The following PCDH15 variants were observed in gnomAD, a reference collection of about 807,000 sequenced individuals.
PCDH15 encodes protocadherin related 15.
In PCDH15, 129 loss-of-function variants were observed where a neutral mutation model predicts 178.5. That is an observed-to-expected ratio of 0.72 (90% CI 0.63 to 0.84). The LOEUF (loss-of-function observed/expected upper bound fraction) is 0.84, where lower values mean the gene tolerates loss of function less well. Ranked by LOEUF, PCDH15 falls within the 40% of genes least tolerant of loss-of-function variation. The pLI, the probability that PCDH15 is intolerant of heterozygous loss-of-function variation, is 0.00. For missense variants in PCDH15, 2,230 were observed against 2,099.9 expected, an observed-to-expected ratio of 1.06 and a Z score of -1.21; for synonymous variants, 800 against 732.0, an observed-to-expected ratio of 1.09 and a Z score of -1.50.
intron 26 of PCDH15, among the ~76,000 whole-genome samples, chr10:53,877,131 T>C (rs1329072969): frequency 6.6e-6 from 1 of 152,126 alleles, no homozygotes; most frequent in Non-Finnish European, 1.5e-5. Context: ...TGCATGTATG[T>C]TATAATTGAA....
At position 54,132,798 on chromosome 10, in the gene PCDH15, A is replaced by T. The variant is rs537560149; in HGVS notation, c.1917+77T>A. 5 of 1,548,478 alleles carry T rather than the reference A, an allele frequency of 3.2e-6. No individual in the cohort carries two copies. In the African/African-American group the frequency reaches 6.8e-5, roughly 21 times the overall value. On this transcript the variant is annotated intron_variant, in intron 15 of 37. Transcript: ENST00000644397. Reference sequence around the variant, plus strand: ...GTGAGGTTTCTCCCTCCATACACAAATATAAACTCATTAAATGCCAAGCTT... The same window carrying T: ...GTGAGGTTTCTCCCTCCATACACAATTATAAACTCATTAAATGCCAAGCTT...
chr10:54,497,803 T>G (rs1439659255), intron 3 of PCDH15, among the ~76,000 whole-genome samples: 1 of 152,020 alleles, frequency 6.6e-6, no homozygotes, highest in Non-Finnish European at 1.5e-5. Flanking sequence ...AATATGAGAT[T>G]ATGTAAAGAG....
intron 36 of PCDH15, among the ~76,000 whole-genome samples, chr10:53,811,118 T>C (rs920723077): frequency 4.6e-5 from 7 of 152,308 alleles, no homozygotes; most frequent in African/African-American, 1.7e-4. Flanking sequence ...TTAATTTATA[T>C]GTGTACAAGT....
chr10:55,624,214 G>A (rs992653058), intron 2 of PCDH15, among the ~76,000 whole-genome samples: 2 of 151,942 alleles, frequency 1.3e-5, no homozygotes, highest in East Asian at 1.9e-4. Context: ...TTTATTTTCC[G>A]AGAATTAAAC....
intron 3 of PCDH15, among the ~76,000 whole-genome samples, chr10:54,812,819 G>A (rs770760057): frequency 6.6e-6 from 1 of 151,900 alleles, no homozygotes; most frequent in Non-Finnish European, 1.5e-5. Flanking sequence ...GGCTGGTCTC[G>A]AACTCCTAAC....
chr10:55,554,275 G>A (rs532046203), intron 2 of PCDH15, among the ~76,000 whole-genome samples: 2 of 151,998 alleles, frequency 1.3e-5, no homozygotes, highest in South Asian at 2.1e-4. Context: ...ATTTTTCTTC[G>A]TTTTTGAAGG....
intron 1 of PCDH15, among the ~76,000 whole-genome samples, chr10:54,725,562 A>ATG (rs1189069401): frequency 2.2e-5 from 3 of 136,360 alleles, no homozygotes; most frequent in African/African-American, 7.9e-5. Context: ...TTATATATAT[A>ATG]TATAATTGGA....
intron 2 of PCDH15, among the ~76,000 whole-genome samples, chr10:55,138,114 T>A (rs1269395138): frequency 6.6e-6 from 1 of 152,180 alleles, no homozygotes; most frequent in Admixed American, 6.6e-5. Flanking sequence ...CTGCTATAGC[T>A]GTTGTAAGTC....
At chr10:54,415,112 C>G (rs1047681355) in intron 3 of PCDH15, among the ~76,000 whole-genome samples, 1 of 151,812 alleles carries the variant, frequency 6.6e-6, no homozygotes, top group Non-Finnish European at 1.5e-5. Context: ...AAAATCTATA[C>G]CTCTAAAGTA....
chr10:55,223,258 A>G (rs184533880), intron 1 of PCDH15, among the ~76,000 whole-genome samples: 2 of 152,268 alleles, frequency 1.3e-5, no homozygotes, highest in Admixed American at 1.3e-4. Flanking sequence ...GGCTATTGCC[A>G]ATAAGTTAAA....
At chr10:54,417,873 G>C (rs996273087) in intron 3 of PCDH15, among the ~76,000 whole-genome samples, 1 of 152,098 alleles carries the variant, frequency 6.6e-6, no homozygotes, top group African/African-American at 2.4e-5. Context: ...AAATAGAGTG[G>C]TTATGGTTCA....
intron 3 of PCDH15, among the ~76,000 whole-genome samples, chr10:54,876,890 G>C (rs1319006146): frequency 6.6e-6 from 1 of 152,132 alleles, no homozygotes; most frequent in African/African-American, 2.4e-5. Flanking sequence ...TGAGAGGATT[G>C]ACTAATTTTG....
chr10:53,882,906 G>T (rs10825147), intron 26 of PCDH15, among the ~76,000 whole-genome samples: 97,504 of 151,740 alleles, frequency 0.64, 31,882 homozygotes, highest in Middle Eastern at 0.78. Flanking sequence ...AAAATGCTTT[G>T]TGCTTCTTGC....
intron 2 of PCDH15, among the ~76,000 whole-genome samples, chr10:54,916,945 A>G (rs1328023599): frequency 6.6e-6 from 1 of 152,192 alleles, no homozygotes; most frequent in Non-Finnish European, 1.5e-5. Flanking sequence ...GAGTCCCAGC[A>G]GAAAGATGAC....
rs184265176 is a variant in PCDH15 at position 54,878,018 on chromosome 10, A to G, written c.-29+19432T>C. Among the ~76,000 whole-genome samples the G allele has an allele frequency of 1.1e-3, 144 of 134,512 alleles. 1 individual carries two copies. In the Middle Eastern group the frequency reaches 0.019, roughly 17 times the overall value. 88.2% of individuals were successfully genotyped at this position (134,512 alleles called of 152,430 possible). On this transcript the variant is annotated intron_variant, in intron 3 of 5. Transcript: ENST00000458638. ...CGCTCTGTTGCCTAGGCTGGAGTGC[A>G]GTGGCATGATCTCGGCTCACTGCAA...
chr10:55,444,006 C>A (rs1839257612), intron 2 of PCDH15, among the ~76,000 whole-genome samples: 1 of 151,994 alleles, frequency 6.6e-6, no homozygotes, highest in Non-Finnish European at 1.5e-5. Context: ...AAGCTGGAAA[C>A]CATCATTCTC....
At chr10:55,231,029 T>G (rs1455528974) in intron 1 of PCDH15, among the ~76,000 whole-genome samples, 1 of 151,924 alleles carries the variant, frequency 6.6e-6, no homozygotes, top group East Asian at 1.9e-4. Flanking sequence ...ACAGTGTAAT[T>G]TACTTAAAGA....
intron 18 of PCDH15, among the ~76,000 whole-genome samples, chr10:54,063,047 T>C (rs986872325): frequency 3.9e-5 from 6 of 152,232 alleles, no homozygotes; most frequent in African/African-American, 1.4e-4. Flanking sequence ...TTAATTATCA[T>C]TAATAAAGAC....
At chr10:54,662,057 C>A (rs1020007459) in intron 2 of PCDH15, among the ~76,000 whole-genome samples, 5 of 151,726 alleles carry the variant, frequency 3.3e-5, no homozygotes, top group Admixed American at 6.6e-5. Flanking sequence ...ACAAATGGGA[C>A]TTAATTAAGC....
Sources: gnomAD v4.1 joint callset for allele counts (sites outside exome capture counted in the v4.1 genomes callset) on GRCh38, gnomAD v4.1.1 for gene constraint, MANE v1.5 for transcripts, NCBI Gene and HGNC (gene_info 2026-07-23, HGNC 2026-07-21) for gene names.